Variants in USH2A observed in about 807,000 individuals in gnomAD.
USH2A encodes the protein Usher syndrome 2A (autosomal recessive, mild).
A neutral mutation model predicts 538.9 loss-of-function variants in USH2A; 443 were observed. The ratio of observed to expected loss-of-function variants is 0.82; its 90% CI spans 0.76 to 0.89. The LOEUF (loss-of-function observed/expected upper bound fraction) is 0.89. Ranked by LOEUF, USH2A falls within the 40% of genes least tolerant of loss-of-function variation. The probability of loss-of-function intolerance (pLI) is 0.00; values close to 1 mark genes in which losing one functional copy is unlikely to be tolerated. For missense variants in USH2A, 6,633 were observed against 6,324.8 expected, an observed-to-expected ratio of 1.05 and a Z score of -1.65; for synonymous variants, 2,413 against 2,273.5, an observed-to-expected ratio of 1.06 and a Z score of -1.75.
chr1:215,745,913 T>A (rs1335535109), intron 58 of USH2A, among the ~76,000 whole-genome samples: 2 of 152,206 alleles, frequency 1.3e-5, no homozygotes, highest in Non-Finnish European at 2.9e-5. Flanking sequence ...AAATCATTAC[T>A]GATGGAACAA....
chr1:215,744,255 C>T (rs893731796), intron 58 of USH2A, among the ~76,000 whole-genome samples: 9 of 152,180 alleles, frequency 5.9e-5, no homozygotes, highest in Non-Finnish European at 1.2e-4. Flanking sequence ...GTCAGTGAGA[C>T]TTATGGCCCT....
intron 65 of USH2A, among the ~76,000 whole-genome samples, chr1:215,649,894 A>G (rs1010332396): frequency 1.3e-5 from 2 of 152,198 alleles, no homozygotes; most frequent in East Asian, 1.9e-4. Context: ...GGCTGCTGGT[A>G]TCTTCATTTA....
chr1:215,843,479 C>A (rs571079902), intron 46 of USH2A, among the ~76,000 whole-genome samples: 1 of 152,014 alleles, frequency 6.6e-6, no homozygotes, highest in East Asian at 1.9e-4. Flanking sequence ...ACTTTTTCTA[C>A]TTTTAAGGCC....
intron 4 of USH2A, among the ~76,000 whole-genome samples, chr1:216,338,183 CT>C (rs1023880568): frequency 3.3e-5 from 5 of 151,194 alleles, no homozygotes; most frequent in Non-Finnish European, 7.4e-5. Flanking sequence ...GGAGTAAGAC[CT>C]AACAATAGCT....
chr1:216,157,326 A>C (rs2033967430), intron 21 of USH2A, among the ~76,000 whole-genome samples: 1 of 152,236 alleles, frequency 6.6e-6, no homozygotes, highest in South Asian at 2.1e-4. Flanking sequence ...AAAAAACAGC[A>C]GATGCTGGTA....
At chr1:216,020,044 T>C (rs989312941) in intron 32 of USH2A, among the ~76,000 whole-genome samples, 20 of 152,204 alleles carry the variant, frequency 1.3e-4, no homozygotes, top group Non-Finnish European at 2.6e-4. Context: ...TTCTGTAGAA[T>C]GATGAGCTTT....
rs41277210 is a variant in USH2A at position 215,970,707 on chromosome 1, C to T, written c.6875G>A (p.Arg2292His). The stretch of plus-strand genomic sequence containing the variant: ...ACTCCAAGGAGCAAATCCGTAAGCA[C>T]GATAGCTGAGTTCTGAGGAATTGTG... ...LIHNSSELSY[R>H]AYGFAPWSLH... The change falls in exon 36 of 72, where the codon CGT (arginine) becomes CAT (histidine). Residue 2292 changes from arginine to histidine, a missense_variant. Coordinates refer to ENST00000307340, the MANE Select transcript of USH2A (RefSeq NM_206933.4). 0.027 allele frequency: 43,363 copies of T among 1,613,568 alleles called. 781 individuals are homozygous for T. Among genetic ancestry groups the T allele is most frequent in the Non-Finnish European group, 0.031 (36,477 of 1,179,680 alleles).
At chr1:215,676,043 G>C (rs1353106578) in intron 62 of USH2A, among the ~76,000 whole-genome samples, 2 of 152,028 alleles carry the variant, frequency 1.3e-5, no homozygotes, top group Non-Finnish European at 1.5e-5. Context: ...GCATTTGCTG[G>C]GAAATGGAAT....
At chr1:215,637,781 A>C (rs1039623424) in intron 69 of USH2A, among the ~76,000 whole-genome samples, 10 of 152,248 alleles carry the variant, frequency 6.6e-5, no homozygotes, top group South Asian at 2.1e-4. Flanking sequence ...AATTAAAAAA[A>C]ATTTTTTTTT....
intron 61 of USH2A, among the ~76,000 whole-genome samples, chr1:215,693,263 G>A (rs1658683867): frequency 6.6e-6 from 1 of 151,934 alleles, no homozygotes; most frequent in Admixed American, 6.6e-5. Context: ...TTACAGGTAT[G>A]AGCCACTGCA....
At chr1:216,014,334 A>G (rs1281060648) in intron 32 of USH2A, among the ~76,000 whole-genome samples, 1 of 152,214 alleles carries the variant, frequency 6.6e-6, no homozygotes, top group Non-Finnish European at 1.5e-5. Context: ...GTTACAGGGA[A>G]GTGAGGCTGA....
intron 61 of USH2A, among the ~76,000 whole-genome samples, chr1:215,681,860 T>C (rs1416634798): frequency 6.6e-6 from 1 of 152,228 alleles, no homozygotes; most frequent in Non-Finnish European, 1.5e-5. Context: ...CATTATGATA[T>C]TACACGCTAA....
intron 15 of USH2A, among the ~76,000 whole-genome samples, chr1:216,208,098 A>G (rs2035156911): frequency 6.6e-6 from 1 of 152,292 alleles, no homozygotes; most frequent in Non-Finnish European, 1.5e-5. Flanking sequence ...GTTTTCTATA[A>G]TATAAATATA....
intron 4 of USH2A, among the ~76,000 whole-genome samples, chr1:216,340,709 C>T (rs560599959): frequency 6.6e-5 from 10 of 151,998 alleles, no homozygotes; most frequent in Non-Finnish European, 1.3e-4. Context: ...AATCAATAAA[C>T]GTAATCTATC....
intron 15 of USH2A, among the ~76,000 whole-genome samples, chr1:216,211,109 C>T (rs2035232281): frequency 6.6e-6 from 1 of 152,052 alleles, no homozygotes; most frequent in African/African-American, 2.4e-5. Context: ...GCTCAGCTCC[C>T]CTTTCCACGT....
At position 216,198,382 on chromosome 1, in the gene USH2A, T is replaced by C. The variant is rs1216480885; in HGVS notation, c.4014A>G (p.Arg1338=). The change falls in exon 18 of 72, where the codon AGA becomes AGG. Residue 1338 remains arginine (R), a synonymous_variant. Transcript: ENST00000307340. The part of the protein sequence containing the change: ...GLEPYTKYEF[R]VLAVNMAGSV... ...TTCCAGCCATATTCACAGCTAAGAC[T>C]CTGAACTCATACTTGGTGTATGGCT... The C allele has an allele frequency of 6.2e-7, 1 of 1,614,110 alleles. No individual in the cohort carries two copies. Among genetic ancestry groups the C allele is most frequent in the Admixed American group, 1.7e-5 (1 of 60,024 alleles).
chr1:216,130,925 G>A (rs2033363408), intron 21 of USH2A, among the ~76,000 whole-genome samples: 1 of 151,786 alleles, frequency 6.6e-6, no homozygotes, highest in Admixed American at 6.6e-5. Flanking sequence ...ATTCTCACTA[G>A]CGGTGAAGAA....
intron 30 of USH2A, among the ~76,000 whole-genome samples, chr1:216,065,621 G>C (rs1216054744): frequency 1.3e-5 from 2 of 152,234 alleles, no homozygotes; most frequent in Non-Finnish European, 2.9e-5. Flanking sequence ...ATGCAGCTGG[G>C]TGCAGTGGCT....
At chr1:215,887,152 C>T (rs552543228) in intron 41 of USH2A, among the ~76,000 whole-genome samples, 4 of 152,178 alleles carry the variant, frequency 2.6e-5, no homozygotes, top group South Asian at 2.1e-4. Context: ...CCACCGCACC[C>T]GGCCTGAAAA....
Sources: gnomAD v4.1 joint callset for allele counts (sites outside exome capture counted in the v4.1 genomes callset) on GRCh38, gnomAD v4.1.1 for gene constraint, MANE v1.5 for transcripts, NCBI Gene and HGNC (gene_info 2026-07-23, HGNC 2026-07-21) for gene names.